OTUD7A: variants seen among roughly 807,000 people sequenced by gnomAD.
OTUD7A encodes OTU domain-containing protein 7A.
A neutral mutation model predicts 65.7 loss-of-function variants in OTUD7A; 12 were observed. The ratio of observed to expected loss-of-function variants is 0.18; its 90% CI spans 0.12 to 0.30. The LOEUF (loss-of-function observed/expected upper bound fraction) is 0.30. Ranked by LOEUF, OTUD7A falls within the 10% of genes least tolerant of loss-of-function variation. The probability of loss-of-function intolerance (pLI) is 1.00; values close to 1 mark genes in which losing one functional copy is unlikely to be tolerated. For missense variants in OTUD7A, 1,148 were observed against 1,304.8 expected (o/e 0.88, Z 1.85); for synonymous variants, 641 against 586.3 (o/e 1.09, Z -1.35).
chr15:31,652,483 T>C (rs924517436), intron 3 of OTUD7A, among the ~76,000 whole-genome samples: 2 of 152,282 alleles, frequency 1.3e-5, no homozygotes, highest in Admixed American at 6.5e-5. Context: ...AAAAAGTCAG[T>C]TGGAACGCAT....
At chr15:31,623,039 T>C (rs1890843652) in intron 3 of OTUD7A, among the ~76,000 whole-genome samples, 3 of 152,356 alleles carry the variant, frequency 2.0e-5, no homozygotes, top group African/African-American at 7.2e-5. Context: ...CTCCAGAACC[T>C]GTTTGCCTGG....
At chr15:31,528,256 A>G (rs923035994) in intron 6 of OTUD7A, among the ~76,000 whole-genome samples, 5 of 152,164 alleles carry the variant, frequency 3.3e-5, no homozygotes, top group African/African-American at 4.8e-5. Flanking sequence ...GTGAATGGAG[A>G]CATAGGAGCA....
At chr15:31,823,820 T>G (rs1391762267) in intron 1 of OTUD7A, among the ~76,000 whole-genome samples, 1 of 152,168 alleles carries the variant, frequency 6.6e-6, no homozygotes, top group Non-Finnish European at 1.5e-5. Flanking sequence ...CTAAATCCCA[T>G]GCTGGAAAAT....
intron 1 of OTUD7A, among the ~76,000 whole-genome samples, chr15:31,757,234 A>G (rs1894840846): frequency 6.6e-6 from 1 of 151,988 alleles, no homozygotes; most frequent in Non-Finnish European, 1.5e-5. Flanking sequence ...ACAGCCAGGG[A>G]TCTAATTCTA....
intron 3 of OTUD7A, among the ~76,000 whole-genome samples, chr15:31,630,437 T>C (rs1891106347): frequency 6.6e-6 from 1 of 152,254 alleles, no homozygotes; most frequent in South Asian, 2.1e-4. Flanking sequence ...TCTAGTTTGA[T>C]TGCACTGTGG....
intron 5 of OTUD7A, among the ~76,000 whole-genome samples, chr15:31,531,481 G>T (rs1257799525): frequency 9.7e-6 from 1 of 103,106 alleles, no homozygotes; most frequent in African/African-American, 3.7e-5. Flanking sequence ...ACATATCCCA[G>T]ATTAGATACT....
chr15:31,574,970 C>T (rs1302481737), intron 3 of OTUD7A, among the ~76,000 whole-genome samples: 2 of 152,156 alleles, frequency 1.3e-5, no homozygotes, highest in Admixed American at 1.3e-4. Context: ...GCTTAGCCTG[C>T]TTGCCGTGCC....
chr15:31,726,798 G>A (rs944757017), intron 1 of OTUD7A, among the ~76,000 whole-genome samples: 3 of 152,264 alleles, frequency 2.0e-5, no homozygotes, highest in South Asian at 2.1e-4. Context: ...GCATTGCCAC[G>A]GTTCTTTTTG....
intron 5 of OTUD7A, chr15:31,556,235 GCAC>G (rs1345666337): frequency 6.6e-6 from 1 of 152,204 alleles, no homozygotes; most frequent in African/African-American, 2.4e-5. Flanking sequence ...GGCGCGAATT[GCAC>G]CACAAGCACC....
At chr15:31,722,869 A>G (rs1893778359) in intron 1 of OTUD7A, among the ~76,000 whole-genome samples, 1 of 152,362 alleles carries the variant, frequency 6.6e-6, no homozygotes, top group South Asian at 2.1e-4. Flanking sequence ...ACTGGCTGTC[A>G]AAAAGGAAAG....
intron 5 of OTUD7A, among the ~76,000 whole-genome samples, chr15:31,544,928 T>C (rs1419230935): frequency 1.3e-5 from 2 of 151,922 alleles, no homozygotes; most frequent in Non-Finnish European, 2.9e-5. Flanking sequence ...AAATTTAAAA[T>C]GTCTGAATTC....
chr15:31,753,646 C>A (rs1199105805), intron 1 of OTUD7A, among the ~76,000 whole-genome samples: 1 of 143,138 alleles, frequency 7.0e-6, no homozygotes, highest in African/African-American at 2.6e-5. Flanking sequence ...CTTTTTATGA[C>A]TGAGTAGTAT....
At chr15:31,586,740 C>T (rs994798079) in intron 3 of OTUD7A, among the ~76,000 whole-genome samples, 3 of 152,186 alleles carry the variant, frequency 2.0e-5, no homozygotes, top group African/African-American at 7.2e-5. Context: ...TGATGGCCTG[C>T]ACTTTGCCAA....
rs371839848 is a variant in OTUD7A at position 31,761,325 on chromosome 15, T to C, written c.-99-104248A>G. ...TGTATACAGGATATATACAACTCAA[T>C]AATAAAAACACAAATAACCAATAAA... On this transcript the variant is annotated intron_variant, in intron 1 of 12. Transcript: ENST00000307050. Among the ~76,000 whole-genome samples the C allele has an allele frequency of 4.6e-5, 7 of 152,016 alleles. No homozygotes were observed. The East Asian group carries it at 7.7e-4, about 17-fold the overall frequency.
At chr15:31,623,112 C>G (rs558676699) in intron 3 of OTUD7A, among the ~76,000 whole-genome samples, 3 of 152,332 alleles carry the variant, frequency 2.0e-5, no homozygotes, top group Admixed American at 1.3e-4. Flanking sequence ...GCTGCCTGAT[C>G]TTTCCTCTGG....
intron 1 of OTUD7A, among the ~76,000 whole-genome samples, chr15:31,666,409 G>T (rs1892321966): frequency 6.6e-6 from 1 of 152,066 alleles, no homozygotes; most frequent in African/African-American, 2.4e-5. Flanking sequence ...TGTGTGTAAA[G>T]GTGTTCATAG....
At chr15:31,553,773 AC>A (rs1888403257) in intron 5 of OTUD7A, among the ~76,000 whole-genome samples, 1 of 147,160 alleles carries the variant, frequency 6.8e-6, no homozygotes, top group Non-Finnish European at 1.5e-5. Flanking sequence ...CTGCACTACC[AC>A]CCCCACGACC....
At chr15:31,772,329 A>G (rs1156951415) in intron 1 of OTUD7A, among the ~76,000 whole-genome samples, 1 of 152,206 alleles carries the variant, frequency 6.6e-6, no homozygotes, top group African/African-American at 2.4e-5. Context: ...TGATAGACTA[A>G]AACTGCAGGA....
intron 1 of OTUD7A, among the ~76,000 whole-genome samples, chr15:31,738,571 T>C (rs989665069): frequency 1.3e-5 from 2 of 152,162 alleles, no homozygotes; most frequent in African/African-American, 4.8e-5. Context: ...AGGAGGATTA[T>C]CTGCCATGAC....
Sources: gnomAD v4.1 joint callset for allele counts (sites outside exome capture counted in the v4.1 genomes callset) on GRCh38, gnomAD v4.1.1 for gene constraint, MANE v1.5 for transcripts, NCBI Gene and HGNC (gene_info 2026-07-23, HGNC 2026-07-21) for gene names.